Variants in NRG1 observed in about 807,000 individuals in gnomAD.
NRG1 encodes neuregulin 1.
NRG1 carries 18 observed loss-of-function variants against 63.8 expected under a neutral mutation model. That is an observed-to-expected ratio of 0.28 (90% CI 0.19 to 0.42). The LOEUF (loss-of-function observed/expected upper bound fraction) is 0.42. NRG1 is among the 10% of genes least tolerant of loss of function. NRG1 has a pLI of 1.00. For missense variants in NRG1, 762 were observed against 814.7 expected (o/e 0.94, Z 0.79); for synonymous variants, 302 against 301.3 (o/e 1.00, Z -0.02).
At chr8:32,292,931 C>T (rs1003323942) in intron 1 of NRG1, among the ~76,000 whole-genome samples, 3 of 151,996 alleles carry the variant, frequency 2.0e-5, no homozygotes, top group Non-Finnish European at 4.4e-5. Flanking sequence ...TGGTGAAACC[C>T]CGTCTCTACT....
chr8:32,621,793 G>A (rs983704018), intron 5 of NRG1, among the ~76,000 whole-genome samples: 1 of 152,120 alleles, frequency 6.6e-6, no homozygotes, highest in Admixed American at 6.6e-5. Context: ...TACACTGTAC[G>A]TTGAAACTGA....
intron 1 of NRG1, among the ~76,000 whole-genome samples, chr8:32,303,059 G>C (rs1855764620): frequency 6.6e-6 from 1 of 151,694 alleles, no homozygotes; most frequent in African/African-American, 2.4e-5. Flanking sequence ...GCTGATGCCT[G>C]TAATCCCAGC....
intron 1 of NRG1, among the ~76,000 whole-genome samples, chr8:32,151,623 T>C (rs1156352524): frequency 6.6e-6 from 1 of 152,116 alleles, no homozygotes; most frequent in Non-Finnish European, 1.5e-5. Context: ...GTCTCTATAC[T>C]TGCTGGGGAA....
intron 5 of NRG1, among the ~76,000 whole-genome samples, chr8:32,674,706 G>A (rs1003320781): frequency 1.3e-5 from 2 of 152,206 alleles, no homozygotes; most frequent in African/African-American, 2.4e-5. Flanking sequence ...TACATCTATA[G>A]TAGTAATTTA....
At chr8:32,469,550 T>C (rs984154105) in intron 1 of NRG1, among the ~76,000 whole-genome samples, 2 of 152,218 alleles carry the variant, frequency 1.3e-5, no homozygotes, top group African/African-American at 4.8e-5. Flanking sequence ...AGTGGTGAGA[T>C]GTAGTCAAGG....
chr8:32,271,278 A>G (rs960350708), intron 1 of NRG1, among the ~76,000 whole-genome samples: 1 of 152,180 alleles, frequency 6.6e-6, no homozygotes, highest in African/African-American at 2.4e-5. Context: ...TATAGATAGG[A>G]GTTCCTTCGA....
intron 4 of NRG1, among the ~76,000 whole-genome samples, chr8:32,615,896 A>T (rs950694026): frequency 6.6e-6 from 1 of 151,886 alleles, no homozygotes; most frequent in South Asian, 2.1e-4. Flanking sequence ...AAAAAATCAC[A>T]TATTCTAAAT....
chr8:32,206,672 G>A (rs998472690), intron 1 of NRG1, among the ~76,000 whole-genome samples: 5 of 152,190 alleles, frequency 3.3e-5, no homozygotes. Context: ...GGGGGTACAA[G>A]TGCAGTTTCA....
chr8:32,322,727 T>A (rs1178170019), intron 1 of NRG1, among the ~76,000 whole-genome samples: 1 of 152,092 alleles, frequency 6.6e-6, no homozygotes, highest in East Asian at 1.9e-4. Flanking sequence ...CTGAAATGAT[T>A]TTCTCCTTTT....
intron 1 of NRG1, among the ~76,000 whole-genome samples, chr8:32,157,764 T>C (rs1157511781): frequency 1.3e-5 from 2 of 151,420 alleles, no homozygotes; most frequent in African/African-American, 4.8e-5. Flanking sequence ...GGGAGAGAGA[T>C]ACCAAGACAA....
At chr8:32,255,604 T>A (rs529107497) in intron 1 of NRG1, among the ~76,000 whole-genome samples, 1 of 152,332 alleles carries the variant, frequency 6.6e-6, no homozygotes, top group African/African-American at 2.4e-5. Flanking sequence ...CTTCTCTTTG[T>A]GGGCAACTTG....
At chr8:31,947,081 A>G (rs2129622035) in intron 1 of NRG1, among the ~76,000 whole-genome samples, 1 of 151,646 alleles carries the variant, frequency 6.6e-6, no homozygotes, top group South Asian at 2.1e-4. Context: ...CGGGTGGATC[A>G]TGAGGTCAGG....
chr8:32,272,178 G>A lies in NRG1; in HGVS notation c.38-323650G>A, dbSNP rs145148234. Reference sequence around the variant, plus strand: ...TTTCCCACCATTCTGGAGGCTGGAAGTCCAAGGTCAGGGTGCCAGCCTGCA... The same window carrying A: ...TTTCCCACCATTCTGGAGGCTGGAAATCCAAGGTCAGGGTGCCAGCCTGCA... On this transcript the variant is annotated intron_variant, in intron 1 of 10. Coordinates refer to the NRG1 transcript ENST00000519301. Among the ~76,000 whole-genome samples, 1,191 of 152,286 alleles carry A rather than the reference G, an allele frequency of 7.8e-3. 15 individuals carry two copies. The highest frequency in any genetic ancestry group is 0.027 in the African/African-American group (1,138 of 41,552).
intron 1 of NRG1, among the ~76,000 whole-genome samples, chr8:32,520,486 G>A (rs1226629306): frequency 6.6e-6 from 1 of 152,032 alleles, no homozygotes; most frequent in East Asian, 1.9e-4. Flanking sequence ...CTGTACAATG[G>A]GGATAAGAGT....
At chr8:32,174,587 C>T (rs1459733977) in intron 1 of NRG1, among the ~76,000 whole-genome samples, 2 of 151,858 alleles carry the variant, frequency 1.3e-5, no homozygotes, top group Non-Finnish European at 2.9e-5. Context: ...AGACCACTAG[C>T]AAGACTAATA....
chr8:32,143,407 G>GTACAAAAA (rs1836514961), intron 1 of NRG1, among the ~76,000 whole-genome samples: 4 of 152,108 alleles, frequency 2.6e-5, no homozygotes, highest in Non-Finnish European at 4.4e-5. Context: ...AATAATAAAA[G>GTACAAAAA]TTGTACAAAA....
rs191341669 is a variant in NRG1, at chr8:32,717,674, A to G, written c.503-10275A>G. On this transcript the variant is annotated intron_variant, in intron 5 of 11. Transcript: ENST00000356819. Reference sequence around the variant, plus strand: ...AAACTGGCTATTTATGTCCACAACCATCACACAAACACAGAACTGCAGTGA... The same window carrying G: ...AAACTGGCTATTTATGTCCACAACCGTCACACAAACACAGAACTGCAGTGA... Among the ~76,000 whole-genome samples the G allele has an allele frequency of 3.6e-3, 556 of 152,334 alleles. 4 individuals are homozygous for G. Among genetic ancestry groups the G allele is most frequent in the African/African-American group, 0.013 (524 of 41,570 alleles).
At chr8:32,048,466 T>C (rs978819718) in intron 1 of NRG1, among the ~76,000 whole-genome samples, 7 of 115,954 alleles carry the variant, frequency 6.0e-5, no homozygotes, top group African/African-American at 1.9e-4. Flanking sequence ...TATATATATA[T>C]ATATATATAT....
chr8:32,674,382 G>A (rs552743748), intron 5 of NRG1, among the ~76,000 whole-genome samples: 1 of 152,240 alleles, frequency 6.6e-6, no homozygotes, highest in East Asian at 1.9e-4. Flanking sequence ...CTCACCCTGG[G>A]CAGAGACTTC....
Sources: allele counts gnomAD v4.1 joint callset (sites outside exome capture counted in the v4.1 genomes callset), GRCh38; gene constraint gnomAD v4.1.1; transcripts MANE v1.5; gene names NCBI Gene and HGNC (gene_info 2026-07-23, HGNC 2026-07-21).